LRIG2: variants seen among roughly 807,000 people sequenced by gnomAD.
LRIG2 encodes leucine-rich repeats and immunoglobulin-like domains protein 2.
A neutral mutation model predicts 107.8 loss-of-function variants in LRIG2; 93 were observed. That is an observed-to-expected ratio of 0.86 (90% CI 0.73 to 1.03). The LOEUF (loss-of-function observed/expected upper bound fraction) is 1.03, where lower values mean the gene tolerates loss of function less well. LRIG2 is among the 50% of genes least tolerant of loss of function. The pLI is 0.00. For synonymous variants in LRIG2, 471 were observed against 470.6 expected, an observed-to-expected ratio of 1.00 and a Z score of -0.01; for missense variants, 1,226 against 1,296.0, an observed-to-expected ratio of 0.95 and a Z score of 0.83.
chr1:113,073,735 G>C (rs1207015648), intron 1 of LRIG2, 90 bp downstream of exon 1: 2 of 1,247,670 alleles, frequency 1.6e-6, no homozygotes, highest in African/African-American at 3.0e-5. Context: ...CCTGGTCGGA[G>C]GGTGTGGTCG....
chr1:113,098,061 A>C (rs547735829), intron 8 of LRIG2, among the ~76,000 whole-genome samples: 9 of 152,184 alleles, frequency 5.9e-5, no homozygotes, highest in Non-Finnish European at 1.3e-4. Flanking sequence ...ATTATATGGA[A>C]ATAATTCTTT....
intron 1 of LRIG2, among the ~76,000 whole-genome samples, chr1:113,079,361 AAAG>A (rs1471862053): frequency 1.3e-5 from 2 of 150,766 alleles, no homozygotes; most frequent in South Asian, 2.1e-4. Flanking sequence ...AAAAAAAAAA[AAAG>A]AAGAGAAAGA....
rs1652815558 is a variant in LRIG2, at chr1:113,073,646, G to A, written c.239+1G>A. The A allele has an allele frequency of 1.2e-6, 2 of 1,610,040 alleles. No individual in the cohort carries two copies. Among genetic ancestry groups the A allele is most frequent in the Non-Finnish European group, 1.7e-6 (2 of 1,178,586 alleles). The stretch of plus-strand genomic sequence containing the variant: ...TGCTGCCCCCCGACACCGCTATCCT[G>A]TGAGTAGAGCGGCCAGGCAGAGTGA... On this transcript the variant is annotated splice_donor_variant, in intron 1 of 17. Transcript: ENST00000361127. LOFTEE classifies it high-confidence loss of function.
chr1:113,115,827 A>G (rs183805075), intron 15 of LRIG2, among the ~76,000 whole-genome samples: 9 of 152,300 alleles, frequency 5.9e-5, no homozygotes, highest in African/African-American at 1.7e-4. Flanking sequence ...CGCCCGGCCA[A>G]ACTTTACTTC....
In LRIG2 at chr1:113,094,693, G is replaced by T. The variant is rs760628004; in HGVS notation, c.741G>T (p.Gln247His). 1 of 1,613,978 alleles carries T rather than the reference G, an allele frequency of 6.2e-7. No homozygotes were observed. Among genetic ancestry groups the T allele is most frequent in the Non-Finnish European group, 8.5e-7 (1 of 1,179,914 alleles). ...ACTCCTTAAGATCTTTGAAAATGCA[G>T]CGGAATGGAATTAGCAAACTTAAGG... ...GLDSLRSLKMQRNGISKLKDG... is the reference protein window; with the variant it reads ...GLDSLRSLKMHRNGISKLKDG... Residue 247 changes from glutamine (Q) to histidine (H), a missense_variant, in exon 6 of 18, where the codon CAG becomes CAT. Coordinates refer to ENST00000361127, the MANE Select transcript of LRIG2 (RefSeq NM_014813.3).
At chr1:113,088,002 T>C (rs1232193191) in intron 1 of LRIG2, among the ~76,000 whole-genome samples, 1 of 152,252 alleles carries the variant, frequency 6.6e-6, no homozygotes, top group Non-Finnish European at 1.5e-5. Flanking sequence ...ATTGTATGCA[T>C]GACTGATCAG....
chr1:113,073,502 C>G lies in LRIG2; in HGVS notation c.96C>G (p.Leu32=). 6.2e-7 allele frequency: 1 copy of G among 1,614,172 alleles called. No homozygotes were observed. The highest frequency in any genetic ancestry group is 8.5e-7 in the Non-Finnish European group (1 of 1,179,998). The change falls in exon 1 of 18, where the codon CTC becomes CTG. Residue 32 remains leucine (L), a synonymous_variant. Transcript: ENST00000361127. ...SRLLFIAQTA[L]LLLPAAGAGL... ...TACTCTTCATTGCCCAGACCGCTCT[C>G]CTCCTGTTGCCCGCCGCCGGAGCAG...
At chr1:113,099,478 G>A (rs1223866170) in intron 9 of LRIG2, among the ~76,000 whole-genome samples, 2 of 151,684 alleles carry the variant, frequency 1.3e-5, no homozygotes, top group African/African-American at 4.8e-5. Context: ...GGGCTCAAGT[G>A]ATCCTCCCAC....
At position 113,131,802 on chromosome 1, in the gene LRIG2, T is replaced by TTGTGTGTGTGTG. The variant is rs56809946; in HGVS notation, c.*7732_*7743dup. ...GGTTTTGTCAGTAGTAAGGTAGGTTTTGTGTGTGTGTGTGTGTGTGTGTGT... is the reference window on the plus strand; with the variant it reads ...GGTTTTGTCAGTAGTAAGGTAGGTTTTGTGTGTGTGTGTGTGTGTGTGTGTGTGTGTGTGTGT... On this transcript the variant is annotated 3_prime_UTR_variant, in exon 18 of 18. Coordinates refer to ENST00000361127, the MANE Select transcript of LRIG2 (RefSeq NM_014813.3). 3.6e-4 allele frequency: 53 copies of TTGTGTGTGTGTG among 147,832 alleles called. No homozygotes were observed. The highest frequency in any genetic ancestry group is 1.3e-3 in the African/African-American group (51 of 39,858). 9.2% of individuals were successfully genotyped at this position (147,832 alleles called of 1,614,324 possible). A position where few individuals can be genotyped will look rare whatever the true frequency, so the allele number is the denominator to read the frequency against.
intron 17 of LRIG2, among the ~76,000 whole-genome samples, chr1:113,121,223 A>T (rs1655239753): frequency 6.6e-6 from 1 of 152,188 alleles, no homozygotes; most frequent in Non-Finnish European, 1.5e-5. Flanking sequence ...CAAGGTCATA[A>T]GTGAGAACGC....
chr1:113,092,155 A>G lies in LRIG2; in HGVS notation c.305+772A>G, dbSNP rs1653857761. Reference sequence around the variant, plus strand: ...TAGCTGAAAGAGTAGGCACTGAGGAAAGGCCTGAAAATGCTTCAGTGGGAA... The same window carrying G: ...TAGCTGAAAGAGTAGGCACTGAGGAGAGGCCTGAAAATGCTTCAGTGGGAA... On this transcript the variant is annotated intron_variant, in intron 2 of 17. Transcript: ENST00000361127. 2.0e-5 allele frequency among the ~76,000 whole-genome samples: 3 copies of G among 152,210 alleles called. 1 individual carries two copies. The highest frequency in any genetic ancestry group is 2.1e-4 in the South Asian group (1 of 4,832).
At chr1:113,112,053 G>A (rs2101056976) in intron 13 of LRIG2, among the ~76,000 whole-genome samples, 1 of 152,162 alleles carries the variant, frequency 6.6e-6, no homozygotes, top group Middle Eastern at 3.4e-3. Context: ...ATGATTAAGT[G>A]TATCATGCAT....
intron 1 of LRIG2, among the ~76,000 whole-genome samples, chr1:113,080,465 C>T (rs1047522730): frequency 3.3e-5 from 5 of 151,380 alleles, no homozygotes; most frequent in Non-Finnish European, 5.9e-5. Context: ...CTGCAAGCTC[C>T]GCCTTCCAGG....
At position 113,113,737 on chromosome 1, in the gene LRIG2, A is replaced by G. The variant is rs142971979; in HGVS notation, c.2081-690A>G. 6.1e-3 allele frequency among the ~76,000 whole-genome samples: 921 copies of G among 150,932 alleles called. 13 individuals carry two copies. The highest frequency in any genetic ancestry group is 0.021 in the African/African-American group (880 of 41,154). On this transcript the variant is annotated intron_variant, in intron 14 of 17. Coordinates refer to ENST00000361127, the MANE Select transcript of LRIG2 (RefSeq NM_014813.3). ...ACCACTGCGCCCAGCTAATTTTTGTATTTTTTTTAGAGACGGGGTTTCACC... is the reference window on the plus strand; with the variant it reads ...ACCACTGCGCCCAGCTAATTTTTGTGTTTTTTTTAGAGACGGGGTTTCACC...
intron 17 of LRIG2, 150 bp downstream of exon 17, chr1:113,119,673 C>A: frequency 1.4e-6 from 1 of 713,870 alleles, no homozygotes; most frequent in Non-Finnish European, 2.3e-6. Context: ...TAAACTATAG[C>A]CAGAGATTTC....
intron 1 of LRIG2, among the ~76,000 whole-genome samples, chr1:113,086,000 G>GTTTTTT (rs34131524): frequency 1.8e-4 from 12 of 65,012 alleles, no homozygotes; most frequent in Admixed American, 4.2e-4. Context: ...TAACCCTGAG[G>GTTTTTT]TTTTTTTTTT....
rs79915389 is a variant in LRIG2 at position 113,127,204 on chromosome 1, A to G, written c.*3103A>G. 2,634 of 152,182 alleles carry G rather than the reference A, an allele frequency of 0.017. 34 individuals carry two copies. The highest frequency in any genetic ancestry group is 0.027 in the Non-Finnish European group (1,855 of 67,982). The allele number at this position is 152,182 out of a possible 1,614,324, so 9.4% of individuals were successfully genotyped here. A position where few individuals can be genotyped will look rare whatever the true frequency, so the allele number is the denominator to read the frequency against. ...GAAGAGTGCTCTTGGGAGTAGAAGA[A>G]CATGCAAACATTCTTTTTTCTTTAT... On this transcript the variant is annotated 3_prime_UTR_variant, in exon 18 of 18. Transcript: ENST00000361127.
At chr1:113,089,292 C>T (rs1243456707) in intron 1 of LRIG2, among the ~76,000 whole-genome samples, 1 of 152,224 alleles carries the variant, frequency 6.6e-6, no homozygotes, top group East Asian at 1.9e-4. Context: ...TGCATTCCAC[C>T]TCAGCCTTGT....
chr1:113,093,465 C>T lies in LRIG2; in HGVS notation c.416C>T (p.Ala139Val). 1 of 1,613,540 alleles carries T rather than the reference C, an allele frequency of 6.2e-7. No individual in the cohort carries two copies. ...ATAATCCCAGAAATAAATGCACAGG[C>T]ACTCCAGTTTTACCCTGCTCTGGAG... Reference protein sequence around the residue: ...HNIIPEINAQALQFYPALESL... With the variant: ...HNIIPEINAQVLQFYPALESL... The change falls in exon 4 of 18, where the codon GCA becomes GTA. Residue 139 changes from alanine to valine, a missense_variant. Ala to Val is a moderately conservative substitution (Grantham distance 64, BLOSUM62 0). Around this residue, in one of 3 missense-constraint regions of LRIG2, gnomAD observed 570 missense variants for 550.2 expected, o/e 1.04. Coordinates refer to ENST00000361127, the MANE Select transcript of LRIG2 (RefSeq NM_014813.3).
Sources: gnomAD v4.1 joint callset for allele counts (sites outside exome capture counted in the v4.1 genomes callset) on GRCh38, gnomAD v4.1.1 for gene constraint, gnomAD v4.1.1 regional missense constraint, MANE v1.5 for transcripts, NCBI Gene and HGNC (gene_info 2026-07-23, HGNC 2026-07-21) for gene names.